Variants in EHBP1 observed in about 807,000 individuals in gnomAD.
The protein encoded by EHBP1 is EH domain-binding protein 1.
EHBP1 carries 55 observed loss-of-function variants against 144.0 expected under a neutral mutation model. That is an observed-to-expected ratio of 0.38 (90% CI 0.31 to 0.48). The LOEUF (loss-of-function observed/expected upper bound fraction) is 0.48. Ranked by LOEUF, EHBP1 falls within the 20% of genes least tolerant of loss-of-function variation. The pLI, the probability that EHBP1 is intolerant of heterozygous loss-of-function variation, is 0.98. For synonymous variants in EHBP1, 469 were observed against 472.7 expected (o/e 0.99, Z 0.10); for missense variants, 1,200 against 1,364.2 (o/e 0.88, Z 1.90).
At chr2:62,916,334 G>A (rs551863299) in intron 10 of EHBP1, among the ~76,000 whole-genome samples, 2 of 152,230 alleles carry the variant, frequency 1.3e-5, no homozygotes, top group East Asian at 3.9e-4. Flanking sequence ...GCTCACACCT[G>A]TAATCCCAGC....
chr2:62,769,302 C>A (rs114524912), intron 4 of EHBP1, among the ~76,000 whole-genome samples: 103 of 152,250 alleles, frequency 6.8e-4, no homozygotes, highest in Non-Finnish European at 1.2e-3. Flanking sequence ...TAAATAACTT[C>A]AGCAAAGTTT....
intron 10 of EHBP1, among the ~76,000 whole-genome samples, chr2:62,878,357 C>G (rs1317075924): frequency 6.6e-6 from 1 of 152,114 alleles, no homozygotes; most frequent in African/African-American, 2.4e-5. Flanking sequence ...TTGGACTAGA[C>G]AGATTCATGG....
chr2:63,040,082 A>G (rs1049061619), intron 21 of EHBP1, among the ~76,000 whole-genome samples: 4 of 151,642 alleles, frequency 2.6e-5, no homozygotes, highest in Non-Finnish European at 5.9e-5. Context: ...TAGTCATGGT[A>G]TAGTCTTTAA....
At chr2:62,884,047 A>G (rs145056876) in intron 10 of EHBP1, among the ~76,000 whole-genome samples, 145 of 152,322 alleles carry the variant, frequency 9.5e-4, no homozygotes, top group African/African-American at 3.1e-3. Flanking sequence ...TATAGTGTGT[A>G]TTAAAAATGT....
chr2:62,889,010 C>T (rs1223394113), intron 10 of EHBP1, among the ~76,000 whole-genome samples: 3 of 143,900 alleles, frequency 2.1e-5, no homozygotes, highest in African/African-American at 7.6e-5. Flanking sequence ...TTAAACAAAC[C>T]GAAGAGTGTC....
At chr2:62,791,862 G>C (rs1440412655) in intron 5 of EHBP1, among the ~76,000 whole-genome samples, 2 of 152,048 alleles carry the variant, frequency 1.3e-5, no homozygotes, top group South Asian at 2.1e-4. Flanking sequence ...TGGTAGTTTA[G>C]ATATCTAGAG....
At chr2:62,963,274 C>T (rs1402917496) in intron 14 of EHBP1, among the ~76,000 whole-genome samples, 2 of 152,030 alleles carry the variant, frequency 1.3e-5, no homozygotes, top group Admixed American at 6.6e-5. Context: ...AGACATCAAC[C>T]GCGTACTTTT....
rs539776170 is a variant in EHBP1, at chr2:63,045,884, T to C, written c.*384T>C. 5.5e-6 allele frequency: 1 copy of C among 180,482 alleles called. No homozygotes were observed. The highest frequency in any genetic ancestry group is 1.2e-5 in the Non-Finnish European group (1 of 84,682). 11.2% of individuals were successfully genotyped at this position (180,482 alleles called of 1,614,324 possible). ...TTTGAAACATTATTCTTGTTGTTGT[T>C]GGTAATAGCATAATGACAGTGGGAG... On this transcript the variant is annotated 3_prime_UTR_variant, in exon 23 of 23. Coordinates refer to ENST00000431489, the MANE Select transcript of EHBP1 (RefSeq NM_001142616.3). This position sits in a 1 kb window ranked among gnomAD's most constrained non-coding sequence, Gnocchi z 5.7.
chr2:62,978,384 G>A (rs565103792), intron 14 of EHBP1, among the ~76,000 whole-genome samples: 5 of 152,002 alleles, frequency 3.3e-5, no homozygotes, highest in Non-Finnish European at 5.9e-5. Flanking sequence ...TGCATTTTTA[G>A]TAGAGACGAG....
chr2:62,818,525 G>A (rs2045615860), intron 5 of EHBP1, among the ~76,000 whole-genome samples: 1 of 152,014 alleles, frequency 6.6e-6, no homozygotes. Context: ...ACTCTTTGAT[G>A]TTCACACAAT....
intron 13 of EHBP1, among the ~76,000 whole-genome samples, chr2:62,954,351 A>G (rs542327762): frequency 2.0e-5 from 3 of 152,284 alleles, no homozygotes; most frequent in Admixed American, 6.5e-5. Flanking sequence ...ACTAAATTCT[A>G]TTGTGTCCTA....
At chr2:62,754,417 C>A (rs558096560) in intron 3 of EHBP1, among the ~76,000 whole-genome samples, 1 of 152,186 alleles carries the variant, frequency 6.6e-6, no homozygotes, top group Admixed American at 6.5e-5. Flanking sequence ...GGGGTGCCTC[C>A]CAGTTAGGCT....
intron 15 of EHBP1, chr2:62,988,054 A>G: frequency 6.8e-7 from 1 of 1,460,938 alleles, no homozygotes; most frequent in Non-Finnish European, 9.6e-7. Context: ...TTCAAATTAT[A>G]AATGTTTTGT....
intron 19 of EHBP1, among the ~76,000 whole-genome samples, chr2:63,026,527 G>T (rs1309520513): frequency 6.6e-6 from 1 of 152,148 alleles, no homozygotes; most frequent in Non-Finnish European, 1.5e-5. Flanking sequence ...TGAGGAAACT[G>T]AGTCTTAGGG....
At chr2:62,930,168 C>T (rs1043484227) in intron 10 of EHBP1, among the ~76,000 whole-genome samples, 2 of 152,090 alleles carry the variant, frequency 1.3e-5, no homozygotes, top group African/African-American at 2.4e-5. Flanking sequence ...GGATTGCTTG[C>T]GCCCAGAATG....
intron 10 of EHBP1, among the ~76,000 whole-genome samples, chr2:62,910,053 C>G (rs1018414532): frequency 1.3e-5 from 2 of 152,076 alleles, no homozygotes; most frequent in African/African-American, 4.8e-5. Flanking sequence ...GTGTGCCTGG[C>G]CAGAATGTGT....
At chr2:62,814,742 T>C (rs761828528) in intron 5 of EHBP1, among the ~76,000 whole-genome samples, 2 of 152,206 alleles carry the variant, frequency 1.3e-5, no homozygotes, top group Non-Finnish European at 1.5e-5. Context: ...ACGTGTTGCA[T>C]TGGTAATCAC....
intron 15 of EHBP1, among the ~76,000 whole-genome samples, chr2:62,989,264 T>G (rs974394350): frequency 1.3e-5 from 2 of 152,122 alleles, no homozygotes; most frequent in Non-Finnish European, 2.9e-5. Flanking sequence ...ACCAAAGGCT[T>G]TATCGGAAAC....
At chr2:62,927,296 G>C (rs2055599376) in intron 10 of EHBP1, among the ~76,000 whole-genome samples, 3 of 152,074 alleles carry the variant, frequency 2.0e-5, no homozygotes, top group Non-Finnish European at 4.4e-5. Flanking sequence ...ATATACCACT[G>C]TAGAATGGCT....
Sources: gnomAD v4.1 joint callset for allele counts (sites outside exome capture counted in the v4.1 genomes callset) on GRCh38, gnomAD v4.1.1 for gene constraint, Gnocchi (gnomAD v3.1) non-coding constraint, MANE v1.5 for transcripts, NCBI Gene and HGNC (gene_info 2026-07-23, HGNC 2026-07-21) for gene names.